IGF2BP1: variants seen among roughly 807,000 people sequenced by gnomAD.
The protein encoded by IGF2BP1 is insulin like growth factor 2 mRNA binding protein 1.
IGF2BP1 carries 11 observed loss-of-function variants against 74.9 expected under a neutral mutation model. The ratio of observed to expected loss-of-function variants is 0.15; its 90% confidence interval spans 0.09 to 0.24. The LOEUF (loss-of-function observed/expected upper bound fraction) is 0.24. Ranked by LOEUF, IGF2BP1 falls within the 10% of genes least tolerant of loss-of-function variation. The pLI, the probability that IGF2BP1 is intolerant of heterozygous loss-of-function variation, is 1.00. For synonymous variants in IGF2BP1, 287 were observed against 281.8 expected (o/e 1.02, Z -0.18); for missense variants, 440 against 757.4 (o/e 0.58, Z 4.92).
intron 12 of IGF2BP1, 117 bp downstream of exon 12, chr17:49,045,182 C>A: frequency 2.6e-6 from 2 of 779,376 alleles, no homozygotes; most frequent in Non-Finnish European, 2.2e-6. Context: ...CTCATCACAT[C>A]TTTAAGCCTT....
chr17:49,016,149 G>A (rs1567813921), intron 2 of IGF2BP1, among the ~76,000 whole-genome samples: 1 of 152,214 alleles, frequency 6.6e-6, no homozygotes, highest in African/African-American at 2.4e-5. Flanking sequence ...GGCTTCTGCT[G>A]TATTAACACT....
intron 12 of IGF2BP1, 114 bp downstream of exon 12, chr17:49,045,179 C>A: frequency 1.3e-6 from 1 of 790,468 alleles, no homozygotes; most frequent in Non-Finnish European, 2.2e-6. Context: ...GTCCTCATCA[C>A]ATCTTTAAGC....
intron 4 of IGF2BP1, among the ~76,000 whole-genome samples, chr17:49,027,442 G>A (rs1477722067): frequency 6.6e-6 from 1 of 152,110 alleles, no homozygotes; most frequent in African/African-American, 2.4e-5. Context: ...TATGTCTTTG[G>A]TCAATTAAAA....
At chr17:49,040,160 C>T (rs1299898528) in intron 7 of IGF2BP1, 69 bp downstream of exon 7, 2 of 1,546,204 alleles carry the variant, frequency 1.3e-6, no homozygotes, top group Non-Finnish European at 1.8e-6. Context: ...ACTCAACTTT[C>T]AAGCTTTTAT....
intron 4 of IGF2BP1, among the ~76,000 whole-genome samples, chr17:49,028,785 T>C (rs754171766): frequency 1.6e-4 from 24 of 152,194 alleles, no homozygotes; most frequent in Non-Finnish European, 3.1e-4. Context: ...TCTTTCTACC[T>C]ATCCCATCCT....
chr17:49,043,178 A>G lies in IGF2BP1; in HGVS notation c.1078-250A>G, dbSNP rs374769317. On this transcript the variant is annotated intron_variant, in intron 9 of 14. Transcript: ENST00000290341. ...GAGGAAGGACTCCTGAGGGTGTACA[A>G]CTGTTTGGCATTTCTGGTTGCAATT... is the stretch of plus-strand genomic sequence containing the variant. Among the ~76,000 whole-genome samples the G allele has an allele frequency of 2.0e-5, 3 of 152,312 alleles. No homozygotes were observed. In the East Asian group the frequency reaches 5.8e-4, roughly 29 times the overall value.
intron 10 of IGF2BP1, 60 bp downstream of exon 10, chr17:49,043,610 G>A (rs1256780190): frequency 3.2e-6 from 5 of 1,581,800 alleles, no homozygotes; most frequent in Admixed American, 3.5e-5. Flanking sequence ...CCCTTAAGGG[G>A]GACTCAGCAT....
chr17:49,023,258 A>T (rs2041813494), intron 2 of IGF2BP1, among the ~76,000 whole-genome samples: 1 of 152,184 alleles, frequency 6.6e-6, no homozygotes, highest in South Asian at 2.1e-4. Context: ...CTATAATCTG[A>T]CTTACTTAGG....
intron 4 of IGF2BP1, 142 bp from the exon 5 acceptor site, chr17:49,031,768 C>G: frequency 1.3e-6 from 1 of 742,918 alleles, no homozygotes; most frequent in Non-Finnish European, 2.3e-6. Flanking sequence ...TCCCAAGATG[C>G]TAGGATTTGC....
chr17:49,043,870 G>A (rs1317885064), intron 10 of IGF2BP1, 97 bp from the exon 11 acceptor site: 1 of 1,529,258 alleles, frequency 6.5e-7, no homozygotes. Flanking sequence ...TTTGGTGCCT[G>A]TACTCCTTCC....
chr17:49,039,930 A>G (rs1270918233), intron 6 of IGF2BP1, 27 bp from the exon 7 acceptor site: 2 of 1,611,082 alleles, frequency 1.2e-6, no homozygotes, highest in South Asian at 1.1e-5. Context: ...GGGGACAACT[A>G]ACCAGCCTTG....
chr17:49,019,907 TATATATATATATATATATA>T (rs2041757875), intron 2 of IGF2BP1, among the ~76,000 whole-genome samples: 1 of 16,544 alleles, frequency 6.0e-5, no homozygotes, highest in East Asian at 1.9e-3. Flanking sequence ...GGCTAATTTA[TATATATATATATATATATA>T]TATATATATA....
At chr17:49,015,639 C>G (rs757834217) in intron 2 of IGF2BP1, among the ~76,000 whole-genome samples, 54 of 152,176 alleles carry the variant, frequency 3.5e-4, no homozygotes, top group Non-Finnish European at 7.2e-4. Flanking sequence ...CAGGGACCCC[C>G]CATTCTCTGT....
chr17:49,043,467 G>T lies in IGF2BP1; in HGVS notation c.1117G>T (p.Val373Leu), dbSNP rs1367344035. The T allele has an allele frequency of 6.2e-7, 1 of 1,614,112 alleles. No homozygotes were observed. The highest frequency in any genetic ancestry group is 1.1e-5 in the South Asian group (1 of 91,082). The part of the protein sequence containing the change: ...HLIPGLNLAA[V>L]GLFPASSSAV... ...GATCCCTGGCCTGAACCTGGCTGCTGTAGGTCTTTTCCCAGCTTCATCCAG... is the reference window on the plus strand; with the variant it reads ...GATCCCTGGCCTGAACCTGGCTGCTTTAGGTCTTTTCCCAGCTTCATCCAG... Residue 373 changes from valine (V) to leucine (L), a missense_variant, in exon 10 of 15, where the codon GTA becomes TTA. Transcript: ENST00000290341.
intron 2 of IGF2BP1, among the ~76,000 whole-genome samples, chr17:49,010,619 G>T (rs1169738205): frequency 1.3e-5 from 2 of 152,092 alleles, no homozygotes; most frequent in Non-Finnish European, 2.9e-5. Context: ...GGAAGCCTTT[G>T]TGTGTCCCCT....
intron 5 of IGF2BP1, 132 bp from the exon 6 acceptor site, chr17:49,038,035 TA>T (rs1446242261): frequency 4.4e-6 from 3 of 685,542 alleles, no homozygotes; most frequent in Non-Finnish European, 2.2e-6. Context: ...GAGGTGGAGG[TA>T]GTGGGCAGGT....
Position 49,049,713 on chromosome 17 carries a change from A to G in IGF2BP1, c.*269A>G. The stretch of plus-strand genomic sequence containing the variant: ...ACTTTTAAACGTGGATTGTTTAAAG[A>G]AGCTCTCCAGGCCCCACCAAGAGGG... On this transcript the variant is annotated 3_prime_UTR_variant, in exon 15 of 15. Transcript: ENST00000290341. 1 of 404,948 alleles carries G rather than the reference A, an allele frequency of 2.5e-6. No homozygotes were observed. Among genetic ancestry groups the G allele is most frequent in the Non-Finnish European group, 4.6e-6 (1 of 219,164 alleles). The allele number at this position is 404,948 out of a possible 1,614,324, so 25.1% of individuals were successfully genotyped here.
At chr17:49,012,516 C>T (rs1248489704) in intron 2 of IGF2BP1, 5 of 152,118 alleles carry the variant, frequency 3.3e-5, no homozygotes, top group African/African-American at 1.2e-4. Flanking sequence ...AGTCTCCATC[C>T]TTTGACGCTT....
At chr17:49,043,900 G>A (rs2042081174) in intron 10 of IGF2BP1, 67 bp from the exon 11 acceptor site, 1 of 1,584,572 alleles carries the variant, frequency 6.3e-7, no homozygotes, top group Non-Finnish European at 8.6e-7. Context: ...ATGCAAGGCA[G>A]GGGAGTGGAG....
Sources: gnomAD v4.1 joint callset for allele counts (sites outside exome capture counted in the v4.1 genomes callset) on GRCh38, gnomAD v4.1.1 for gene constraint, MANE v1.5 for transcripts, NCBI Gene and HGNC (gene_info 2026-07-23, HGNC 2026-07-21) for gene names.